Variants in SMKR1 observed in about 807,000 individuals in gnomAD.
SMKR1 encodes the protein small lysine-rich protein 1.
SMKR1 carries 4 observed loss-of-function variants against 4.0 expected under a neutral mutation model. That is an observed-to-expected ratio of 1.00 (90% confidence interval 0.49 to 2.30). SMKR1 has a LOEUF of 2.30. SMKR1 is among the 30% of genes most tolerant of loss of function. SMKR1 has a pLI of 0.02. For synonymous variants in SMKR1, 38 were observed against 32.5 expected (o/e 1.17, Z -0.58); for missense variants, 56 against 81.8 (o/e 0.68, Z 1.22).
chr7:129,504,556 GTTTT>G (rs34092113), intron 1 of SMKR1, among the ~76,000 whole-genome samples: 6 of 150,462 alleles, frequency 4.0e-5, no homozygotes, highest in African/African-American at 4.9e-5. Flanking sequence ...CTTTGTTTTT[GTTTT>G]TTTTTTTTTA....
intron 1 of SMKR1, 58 bp from the exon 2 acceptor site, chr7:129,512,184 CAAAAA>C (rs200038039): frequency 7.0e-7 from 1 of 1,420,802 alleles, no homozygotes; most frequent in Non-Finnish European, 9.2e-7. Context: ...AACCCTGTCT[CAAAAA>C]AAACAAAAAC....
Position 129,512,643 on chromosome 7 carries a change from T to G in SMKR1, c.*202T>G. 1.8e-6 allele frequency: 1 copy of G among 546,972 alleles called. No homozygotes were observed. The highest frequency in any genetic ancestry group is 3.1e-6 in the Non-Finnish European group (1 of 322,366). The allele number at this position is 546,972 out of a possible 1,614,324, so 33.9% of individuals were successfully genotyped here. A position where few individuals can be genotyped will look rare whatever the true frequency, so the allele number is the denominator to read the frequency against. ...CAGATATGGTTAGCCACTTTGGTTTTTTAGGAGCTATAGGATGGGAAAAGC... is the reference window on the plus strand; with the variant it reads ...CAGATATGGTTAGCCACTTTGGTTTGTTAGGAGCTATAGGATGGGAAAAGC... On this transcript the variant is annotated 3_prime_UTR_variant, in exon 2 of 2. Transcript: ENST00000462322.
chr7:129,507,944 C>T (rs1799486758), intron 1 of SMKR1, among the ~76,000 whole-genome samples: 1 of 152,158 alleles, frequency 6.6e-6, no homozygotes, highest in African/African-American at 2.4e-5. Flanking sequence ...ATATTTCCCC[C>T]AGTCTGAGGC....
At chr7:129,504,632 T>C (rs1799446640) in intron 1 of SMKR1, among the ~76,000 whole-genome samples, 1 of 152,150 alleles carries the variant, frequency 6.6e-6, no homozygotes, top group Non-Finnish European at 1.5e-5. Flanking sequence ...TAGCTCACTT[T>C]GGCCTTGAAT....
At chr7:129,509,054 C>T (rs371294734) in intron 1 of SMKR1, among the ~76,000 whole-genome samples, 161 of 152,294 alleles carry the variant, frequency 1.1e-3, no homozygotes, top group African/African-American at 3.5e-3. Flanking sequence ...GTGGCTCACG[C>T]CTATAATCCC....
chr7:129,504,742 C>A (rs184661113), intron 1 of SMKR1, among the ~76,000 whole-genome samples: 3 of 152,080 alleles, frequency 2.0e-5, no homozygotes, highest in Non-Finnish European at 2.9e-5. Context: ...TTTGTAGAGA[C>A]CGGATTTTGC....
At chr7:129,503,463 C>T (rs566253624) in intron 1 of SMKR1, among the ~76,000 whole-genome samples, 3 of 152,256 alleles carry the variant, frequency 2.0e-5, no homozygotes, top group Non-Finnish European at 2.9e-5. Context: ...CGAGCTTTCT[C>T]TGCCATATCT....
At chr7:129,504,802 C>T (rs1799448278) in intron 1 of SMKR1, among the ~76,000 whole-genome samples, 1 of 152,174 alleles carries the variant, frequency 6.6e-6, no homozygotes. Context: ...CCACCTGCCT[C>T]GGCCTCCCAG....
In SMKR1 at chr7:129,502,718, C is replaced by T; in HGVS notation, c.-107C>T. On this transcript the variant is annotated 5_prime_UTR_variant, in exon 1 of 2. Transcript: ENST00000462322. ...TTCCCTGAGGAGGGCCGAGAAGGGGCCGGGGGTGCTAGGGGAACGGGCGCT... is the reference window on the plus strand; with the variant it reads ...TTCCCTGAGGAGGGCCGAGAAGGGGTCGGGGGTGCTAGGGGAACGGGCGCT... 6.7e-7 allele frequency: 1 copy of T among 1,500,342 alleles called. No homozygotes were observed. The highest frequency in any genetic ancestry group is 9.0e-7 in the Non-Finnish European group (1 of 1,117,180). The allele number at this position is 1,500,342 out of a possible 1,614,324, so 92.9% of individuals were successfully genotyped here. A position where few individuals can be genotyped will look rare whatever the true frequency, so the allele number is the denominator to read the frequency against.
At chr7:129,510,799 T>TC (rs1411194656) in intron 1 of SMKR1, among the ~76,000 whole-genome samples, 1 of 151,612 alleles carries the variant, frequency 6.6e-6, no homozygotes, top group African/African-American at 2.4e-5. Context: ...GTGCTAAGTG[T>TC]CTTTTTTTTT....
At chr7:129,508,951 T>C (rs1378969631) in intron 1 of SMKR1, among the ~76,000 whole-genome samples, 1 of 152,248 alleles carries the variant, frequency 6.6e-6, no homozygotes, top group Non-Finnish European at 1.5e-5. Flanking sequence ...TCCCAAACCA[T>C]TTTAAAGATT....
chr7:129,506,451 TA>T (rs1170980031), intron 1 of SMKR1, among the ~76,000 whole-genome samples: 1 of 152,004 alleles, frequency 6.6e-6, no homozygotes, highest in African/African-American at 2.4e-5. Flanking sequence ...AAAAAATAAA[TA>T]AAAAATAAAA....
At chr7:129,506,408 C>G (rs1378238260) in intron 1 of SMKR1, among the ~76,000 whole-genome samples, 1 of 152,158 alleles carries the variant, frequency 6.6e-6, no homozygotes, top group East Asian at 1.9e-4. Flanking sequence ...TGCCACTGTA[C>G]TCCAGCCTGG....
In SMKR1 at chr7:129,512,874, CT is replaced by C. The variant is rs11463371; in HGVS notation, c.*445del. On this transcript the variant is annotated 3_prime_UTR_variant, in exon 2 of 2. Transcript: ENST00000462322. ...ACATTCCTCTCTTGGGCACCATTTC[CT>C]TTTTTTTTTTTAATGGAAAATAATA... is the stretch of plus-strand genomic sequence containing the variant. The C allele has an allele frequency of 4.8e-3, 693 of 143,052 alleles. No individual in the cohort carries two copies. Among genetic ancestry groups the C allele is most frequent in the Middle Eastern group, 0.011 (3 of 278 alleles). 8.9% of individuals were successfully genotyped at this position (143,052 alleles called of 1,614,324 possible). A position where few individuals can be genotyped will look rare whatever the true frequency, so the allele number is the denominator to read the frequency against.
At chr7:129,510,870 G>A (rs531295578) in intron 1 of SMKR1, among the ~76,000 whole-genome samples, 42 of 152,188 alleles carry the variant, frequency 2.8e-4, no homozygotes, top group Non-Finnish European at 4.6e-4. Flanking sequence ...ATGCAGTGGC[G>A]TGATCTCGGC....
rs1172914879 is a variant in SMKR1 at position 129,502,611 on chromosome 7, G to T, written c.-214G>T. ...AGGTGCCTCGCGTCCAGGCGGCTCC[G>T]CGGCTGGCTGCCTCCCGAGCCGGCC... On this transcript the variant is annotated 5_prime_UTR_variant, in exon 1 of 2. Transcript: ENST00000462322. 2 of 592,314 alleles carry T rather than the reference G, an allele frequency of 3.4e-6. No homozygotes were observed. Among genetic ancestry groups the T allele is most frequent in the East Asian group, 7.0e-5 (2 of 28,468 alleles). 36.7% of individuals were successfully genotyped at this position (592,314 alleles called of 1,614,324 possible).
chr7:129,503,456 G>A (rs1476077012), intron 1 of SMKR1, among the ~76,000 whole-genome samples: 2 of 152,222 alleles, frequency 1.3e-5, no homozygotes, highest in Non-Finnish European at 2.9e-5. Context: ...TCAACCTCGA[G>A]CTTTCTCTGC....
At chr7:129,508,305 G>A (rs1199034318) in intron 1 of SMKR1, among the ~76,000 whole-genome samples, 1 of 149,642 alleles carries the variant, frequency 6.7e-6, no homozygotes, top group Non-Finnish European at 1.5e-5. Context: ...CTGATCAAAT[G>A]TGGATCTATT....
intron 1 of SMKR1, among the ~76,000 whole-genome samples, chr7:129,506,299 G>C (rs1411759401): frequency 6.6e-6 from 1 of 152,034 alleles, no homozygotes; most frequent in Admixed American, 6.6e-5. Flanking sequence ...AAAATTAGTT[G>C]GACATGGTGG....
Sources: allele counts gnomAD v4.1 joint callset (sites outside exome capture counted in the v4.1 genomes callset), GRCh38; gene constraint gnomAD v4.1.1; transcripts MANE v1.5; gene names NCBI Gene and HGNC (gene_info 2026-07-23, HGNC 2026-07-21).